The following GRIK1 variants were observed in gnomAD, a reference collection of about 807,000 sequenced individuals.
GRIK1 encodes glutamate receptor ionotropic, kainate 1.
A neutral mutation model predicts 105.7 loss-of-function variants in GRIK1; 69 were observed. The ratio of observed to expected loss-of-function variants is 0.65; its 90% CI spans 0.54 to 0.80. GRIK1 has a LOEUF of 0.80. Among genes scored for constraint, GRIK1 ranks in the 30% least tolerant of loss-of-function variants. GRIK1 has a pLI of 0.00. For synonymous variants in GRIK1, 438 were observed against 431.3 expected, an observed-to-expected ratio of 1.02 and a Z score of -0.19; for missense variants, 1,109 against 1,167.3, an observed-to-expected ratio of 0.95 and a Z score of 0.73.
chr21:29,765,009 G>A (rs192090297), intron 1 of GRIK1, among the ~76,000 whole-genome samples: 146 of 152,124 alleles, frequency 9.6e-4, no homozygotes, highest in East Asian at 4.8e-3. Flanking sequence ...AATATAAATC[G>A]AATAGGTTGA....
intron 1 of GRIK1, among the ~76,000 whole-genome samples, chr21:29,863,984 T>G (rs1293475479): frequency 6.6e-6 from 1 of 152,160 alleles, no homozygotes; most frequent in Admixed American, 6.5e-5. Context: ...TAGGAATTCG[T>G]TGTTGTCTAG....
chr21:29,728,109 A>G (rs1325722526), intron 1 of GRIK1, among the ~76,000 whole-genome samples: 1 of 152,202 alleles, frequency 6.6e-6, no homozygotes. Flanking sequence ...AACACCCAGA[A>G]ATAATGGTTT....
chr21:29,791,322 A>T (rs1262307352), intron 1 of GRIK1, among the ~76,000 whole-genome samples: 1 of 151,294 alleles, frequency 6.6e-6, no homozygotes, highest in African/African-American at 2.4e-5. Context: ...GAAGAGGAGG[A>T]AAAAAAAAGG....
intron 1 of GRIK1, among the ~76,000 whole-genome samples, chr21:29,746,135 G>A (rs1473123061): frequency 6.6e-6 from 1 of 152,034 alleles, no homozygotes; most frequent in Non-Finnish European, 1.5e-5. Flanking sequence ...ATCGAGAAAA[G>A]AGAAGAGCTA....
At chr21:29,920,616 T>C (rs1379859719) in intron 1 of GRIK1, among the ~76,000 whole-genome samples, 1 of 152,114 alleles carries the variant, frequency 6.6e-6, no homozygotes, top group Non-Finnish European at 1.5e-5. Context: ...TTAATTCACA[T>C]CCGTGTGCCT....
intron 1 of GRIK1, among the ~76,000 whole-genome samples, chr21:29,703,592 G>A (rs1053497083): frequency 2.6e-5 from 4 of 152,262 alleles, no homozygotes; most frequent in South Asian, 2.1e-4. Context: ...CTCAGCTTTC[G>A]TATTTTTGTT....
chr21:29,596,649 G>A, intron 8 of GRIK1, 79 bp from the exon 9 acceptor site: 1 of 981,420 alleles, frequency 1.0e-6, no homozygotes, highest in Non-Finnish European at 1.6e-6. Flanking sequence ...GAATCATGGT[G>A]TGTGAGTGCT....
intron 7 of GRIK1, chr21:29,630,767 TGTG>T (rs935488900): frequency 5.3e-5 from 19 of 355,694 alleles, no homozygotes; most frequent in Non-Finnish European, 7.1e-5. Flanking sequence ...TGTGTGTGTG[TGTG>T]TTTTTGTTTT....
In GRIK1 at chr21:29,939,569, G is replaced by T; in HGVS notation, c.-69C>A. 2 of 954,360 alleles carry T rather than the reference G, an allele frequency of 2.1e-6. No individual in the cohort carries two copies. Among genetic ancestry groups the T allele is most frequent in the Non-Finnish European group, 1.6e-6 (1 of 637,794 alleles). 59.1% of individuals were successfully genotyped at this position (954,360 alleles called of 1,614,324 possible). On this transcript the variant is annotated 5_prime_UTR_variant, in exon 1 of 18. Coordinates refer to ENST00000327783, the MANE Select transcript of GRIK1 (RefSeq NM_001330994.2). ...ACGCCCGAGAGATGCACCCAACTTG[G>T]GCCGGGTCCCCGCCTCATCCTCTCT...
intron 4 of GRIK1, among the ~76,000 whole-genome samples, chr21:29,664,460 T>G (rs1480065878): frequency 6.6e-6 from 1 of 152,226 alleles, no homozygotes; most frequent in Non-Finnish European, 1.5e-5. Context: ...ATGTGACATA[T>G]GTACTAATAC....
chr21:29,711,845 A>AT (rs989602935), intron 1 of GRIK1, among the ~76,000 whole-genome samples: 1 of 151,970 alleles, frequency 6.6e-6, no homozygotes. Flanking sequence ...AGATTTTGTA[A>AT]TTTTTTTCTA....
intron 15 of GRIK1, among the ~76,000 whole-genome samples, chr21:29,559,162 A>G (rs1317590284): frequency 2.6e-5 from 4 of 152,104 alleles, no homozygotes; most frequent in Non-Finnish European, 5.9e-5. Context: ...CTCCTCTACG[A>G]GGGTCTTGAT....
At chr21:29,848,780 T>TATATATATATATATATATATATATATA (rs1255846155) in intron 1 of GRIK1, among the ~76,000 whole-genome samples, 1 of 28,428 alleles carries the variant, frequency 3.5e-5, no homozygotes, top group African/African-American at 1.1e-4. Context: ...TATATATATA[T>TATATATATATATATATATATATATATA]TTTTTTTTTT....
At chr21:29,846,452 G>GAGAAA (rs1472713302) in intron 1 of GRIK1, among the ~76,000 whole-genome samples, 15 of 114,366 alleles carry the variant, frequency 1.3e-4, no homozygotes, top group African/African-American at 4.9e-4. Context: ...AAGGAAAGAA[G>GAGAAA]GAAAGAGAGA....
intron 7 of GRIK1, among the ~76,000 whole-genome samples, chr21:29,618,829 A>G (rs1343087095): frequency 6.6e-6 from 1 of 152,174 alleles, no homozygotes; most frequent in African/African-American, 2.4e-5. Flanking sequence ...ATGCAAAGCC[A>G]TAAGAATGAT....
At chr21:29,800,316 C>G (rs891038381) in intron 1 of GRIK1, among the ~76,000 whole-genome samples, 1 of 152,126 alleles carries the variant, frequency 6.6e-6, no homozygotes, top group Non-Finnish European at 1.5e-5. Context: ...AGTGATTTTA[C>G]AAATCGAAAG....
intron 14 of GRIK1, among the ~76,000 whole-genome samples, chr21:29,571,413 G>T: frequency 6.6e-6 from 1 of 151,868 alleles, no homozygotes; most frequent in Non-Finnish European, 1.5e-5. Flanking sequence ...GAGCTCAGGT[G>T]GTAGATAGTG....
chr21:29,708,815 T>A (rs2146803739), intron 1 of GRIK1, among the ~76,000 whole-genome samples: 1 of 152,352 alleles, frequency 6.6e-6, no homozygotes, highest in Middle Eastern at 3.4e-3. Flanking sequence ...AATTTTTATT[T>A]TTTTTGGAAG....
intron 1 of GRIK1, among the ~76,000 whole-genome samples, chr21:29,757,999 T>A (rs2065395036): frequency 6.6e-6 from 1 of 152,252 alleles, no homozygotes. Context: ...AATAGAAATT[T>A]ATCTTTTGCT....
Sources: allele counts gnomAD v4.1 joint callset (sites outside exome capture counted in the v4.1 genomes callset), GRCh38; gene constraint gnomAD v4.1.1; transcripts MANE v1.5; gene names NCBI Gene and HGNC (gene_info 2026-07-23, HGNC 2026-07-21).